UNC5D: variants seen among roughly 807,000 people sequenced by gnomAD.
The protein encoded by UNC5D is unc-5 netrin receptor D.
Under a neutral mutation model 105.4 loss-of-function variants are expected in UNC5D, and 39 were observed. That is an observed-to-expected ratio of 0.37 (90% CI 0.29 to 0.48). The LOEUF (loss-of-function observed/expected upper bound fraction) is 0.48, where lower values mean the gene tolerates loss of function less well. Among genes scored for constraint, UNC5D ranks in the 20% least tolerant of loss-of-function variants. UNC5D has a pLI of 0.98. For missense variants in UNC5D, 991 were observed against 1,202.4 expected (o/e 0.82, Z 2.60); for synonymous variants, 452 against 450.4 (o/e 1.00, Z -0.04).
At chr8:35,558,226 A>G (rs1345304139) in intron 2 of UNC5D, among the ~76,000 whole-genome samples, 2 of 152,120 alleles carry the variant, frequency 1.3e-5, no homozygotes, top group Non-Finnish European at 2.9e-5. Flanking sequence ...AGCACCTAAC[A>G]GAGTGACAGA....
At position 35,686,235 on chromosome 8, in the gene UNC5D, A is replaced by G. The variant is rs563560600; in HGVS notation, c.920-310A>G. 2.7e-4 allele frequency among the ~76,000 whole-genome samples: 41 copies of G among 152,294 alleles called. No homozygotes were observed. The South Asian group carries it at 8.3e-3, about 31-fold the overall frequency. On this transcript the variant is annotated intron_variant, in intron 6 of 16. Transcript: ENST00000404895. ...CTGTCCACCTAAGATGCACTTGGGC[A>G]TGAAAGACTGGGAAAGAATGGGTCA...
chr8:35,392,300 G>C (rs1803825404), intron 1 of UNC5D, among the ~76,000 whole-genome samples: 1 of 152,106 alleles, frequency 6.6e-6, no homozygotes. Flanking sequence ...TCAAATTCCT[G>C]GGCCCTAGGC....
At chr8:35,494,967 G>C (rs1465667923) in intron 1 of UNC5D, among the ~76,000 whole-genome samples, 1 of 152,006 alleles carries the variant, frequency 6.6e-6, no homozygotes, top group Non-Finnish European at 1.5e-5. Flanking sequence ...TCTCCACAGG[G>C]TGGCCTCTAA....
chr8:35,649,384 A>G (rs1391622912), intron 4 of UNC5D, among the ~76,000 whole-genome samples: 1 of 152,182 alleles, frequency 6.6e-6, no homozygotes, highest in Non-Finnish European at 1.5e-5. Flanking sequence ...TGGCCAGCAC[A>G]CTGGACTGTG....
intron 11 of UNC5D, among the ~76,000 whole-genome samples, chr8:35,745,753 G>GT (rs1829971365): frequency 6.6e-6 from 1 of 152,152 alleles, no homozygotes; most frequent in Admixed American, 6.5e-5. Flanking sequence ...ATGCAAAAAG[G>GT]TTTTTCAGTC....
At position 35,469,518 on chromosome 8, in the gene UNC5D, G is replaced by A. The variant is rs144356628; in HGVS notation, c.104-79774G>A. Among the ~76,000 whole-genome samples the A allele has an allele frequency of 2.7e-3, 405 of 152,254 alleles. 1 individual carries two copies. Among genetic ancestry groups the A allele is most frequent in the African/African-American group, 8.6e-3 (357 of 41,554 alleles). On this transcript the variant is annotated intron_variant, in intron 1 of 16. Coordinates refer to ENST00000404895, the MANE Select transcript of UNC5D (RefSeq NM_080872.4). Reference sequence around the variant, plus strand: ...GTCTATGTTTGTGGGGAAAGGGACCGTATAGCCTTGATTTAATAACTTTCT... The same window carrying A: ...GTCTATGTTTGTGGGGAAAGGGACCATATAGCCTTGATTTAATAACTTTCT...
intron 13 of UNC5D, among the ~76,000 whole-genome samples, chr8:35,753,079 A>G (rs910726749): frequency 3.3e-5 from 5 of 152,172 alleles, no homozygotes; most frequent in South Asian, 2.1e-4. Context: ...CACCTCTACC[A>G]TATTCTACCA....
At chr8:35,322,727 T>A (rs1299461196) in intron 1 of UNC5D, among the ~76,000 whole-genome samples, 1 of 152,236 alleles carries the variant, frequency 6.6e-6, no homozygotes, top group Non-Finnish European at 1.5e-5. Flanking sequence ...TTCCTATTTA[T>A]AGGTAACTTA....
chr8:35,593,969 G>C (rs1170876577), intron 3 of UNC5D, among the ~76,000 whole-genome samples: 2 of 152,046 alleles, frequency 1.3e-5, no homozygotes, highest in African/African-American at 4.8e-5. Flanking sequence ...TTTCATTCTG[G>C]GTTTATTCAC....
chr8:35,724,947 T>A (rs937061313), intron 9 of UNC5D, among the ~76,000 whole-genome samples: 112 of 150,984 alleles, frequency 7.4e-4, no homozygotes, highest in African/African-American at 2.0e-3. Context: ...GGAAAAAAAA[T>A]AATAATAATC....
chr8:35,721,413 A>T (rs1289294054), intron 8 of UNC5D: 1 of 702,856 alleles, frequency 1.4e-6, no homozygotes. Context: ...TTCTAAATTC[A>T]AACTAACGCT....
intron 16 of UNC5D, among the ~76,000 whole-genome samples, chr8:35,788,700 G>GCACACA (rs150561818): frequency 5.5e-5 from 8 of 146,720 alleles, no homozygotes; most frequent in Admixed American, 4.8e-4. Context: ...ACACACACAC[G>GCACACA]CACACACACA....
intron 16 of UNC5D, 135 bp from the exon 17 acceptor site, chr8:35,790,224 G>A: frequency 3.3e-6 from 3 of 920,842 alleles, no homozygotes; most frequent in Non-Finnish European, 4.9e-6. Flanking sequence ...CCCCAGACCT[G>A]CCTTACTATA....
chr8:35,482,956 C>T (rs1810581010), intron 1 of UNC5D, among the ~76,000 whole-genome samples: 1 of 151,818 alleles, frequency 6.6e-6, no homozygotes, highest in Non-Finnish European at 1.5e-5. Flanking sequence ...GCGCCTGCCA[C>T]CACGCCCGGC....
At chr8:35,312,788 C>T (rs1808994111) in intron 1 of UNC5D, among the ~76,000 whole-genome samples, 1 of 152,180 alleles carries the variant, frequency 6.6e-6, no homozygotes, top group African/African-American at 2.4e-5. Context: ...TTCAGAACTT[C>T]ATGTTTCAAT....
chr8:35,472,932 A>G (rs1348807328), intron 1 of UNC5D, among the ~76,000 whole-genome samples: 2 of 152,216 alleles, frequency 1.3e-5, no homozygotes, highest in Non-Finnish European at 2.9e-5. Context: ...GTGGTCAATG[A>G]CACCAGGTGG....
chr8:35,320,992 G>A (rs1809699700), intron 1 of UNC5D, among the ~76,000 whole-genome samples: 1 of 152,052 alleles, frequency 6.6e-6, no homozygotes. Context: ...TCAAAAACTT[G>A]GGTATCTCCT....
In UNC5D at chr8:35,643,599, C is replaced by T. The variant is rs1822880123; in HGVS notation, c.571-39948C>T. Among the ~76,000 whole-genome samples the T allele has an allele frequency of 3.3e-5, 5 of 152,096 alleles. No individual in the cohort carries two copies. In the South Asian group the frequency reaches 1.0e-3, roughly 31 times the overall value. ...TCCACCATATTAGTCCGGCTGATCT[C>T]GAACTCCTGACCTTAAATGATCCAC... On this transcript the variant is annotated intron_variant, in intron 4 of 16. Coordinates refer to ENST00000404895, the MANE Select transcript of UNC5D (RefSeq NM_080872.4).
chr8:35,728,091 A>T (rs1265067818), intron 10 of UNC5D, among the ~76,000 whole-genome samples: 1 of 128,936 alleles, frequency 7.8e-6, no homozygotes, highest in African/African-American at 4.0e-5. Context: ...AAAAAAAAAA[A>T]AAAAATATAT....
Sources: allele counts gnomAD v4.1 joint callset (sites outside exome capture counted in the v4.1 genomes callset), GRCh38; gene constraint gnomAD v4.1.1; transcripts MANE v1.5; gene names NCBI Gene and HGNC (gene_info 2026-07-23, HGNC 2026-07-21).